The following GNAT2 variants were observed in gnomAD, a reference collection of about 807,000 sequenced individuals.
The protein encoded by GNAT2 is guanine nucleotide-binding protein G(t) subunit alpha-2.
GNAT2 carries 32 observed loss-of-function variants against 40.9 expected under a neutral mutation model. The ratio of observed to expected loss-of-function variants is 0.78; its 90% confidence interval spans 0.59 to 1.05. The LOEUF (loss-of-function observed/expected upper bound fraction) is 1.05, where lower values mean the gene tolerates loss of function less well. Ranked by LOEUF, GNAT2 falls within the 50% of genes least tolerant of loss-of-function variation. The probability of loss-of-function intolerance (pLI) is 0.00; values close to 1 mark genes in which losing one functional copy is unlikely to be tolerated. For missense variants in GNAT2, 355 were observed against 431.5 expected (o/e 0.82, Z 1.57); for synonymous variants, 141 against 157.2 (o/e 0.90, Z 0.77).
At chr1:109,606,189 G>A in intron 6 of GNAT2, 90 bp from the exon 7 acceptor site, 1 of 1,572,742 alleles carries the variant, frequency 6.4e-7, no homozygotes, top group South Asian at 1.1e-5. Flanking sequence ...GAGAGGAAAA[G>A]GGGGAGAAGC....
chr1:109,606,672 C>T, intron 5 of GNAT2: 1 of 487,674 alleles, frequency 2.1e-6, no homozygotes, highest in South Asian at 2.1e-5. Context: ...GCATTTAAAT[C>T]AAGTTAGATA....
At chr1:109,609,614 A>G (rs756384503) in intron 4 of GNAT2, 18 of 303,992 alleles carry the variant, frequency 5.9e-5, no homozygotes, top group Admixed American at 3.7e-4. Flanking sequence ...CCTGGGTAAG[A>G]GAGGAAGACC....
chr1:109,617,547 G>A (rs1649985597), intron 1 of GNAT2: 1 of 152,260 alleles, frequency 6.6e-6, no homozygotes. Context: ...GATTCTTGCT[G>A]GTATGGAGTG....
At chr1:109,612,636 G>A in intron 2 of GNAT2, 117 bp downstream of exon 2, 1 of 762,190 alleles carries the variant, frequency 1.3e-6, no homozygotes, top group East Asian at 2.5e-5. Flanking sequence ...CTGTGTAGAG[G>A]AGAGGAAAAA....
chr1:109,604,281 CTATCTTTCT>C (rs1331400258), intron 7 of GNAT2, 177 bp from the exon 8 acceptor site: 7 of 625,992 alleles, frequency 1.1e-5, no homozygotes, highest in Admixed American at 2.6e-5. Context: ...TTCTAGTTCC[CTATCTTTCT>C]AATAGCTGTG....
chr1:109,611,138 G>A (rs558516499), intron 2 of GNAT2: 3 of 158,176 alleles, frequency 1.9e-5, no homozygotes, highest in African/African-American at 7.3e-5. Context: ...AGTCTCCTGA[G>A]TAGTTGGGAT....
chr1:109,605,749 C>A (rs1649572231), intron 7 of GNAT2: 3 of 508,270 alleles, frequency 5.9e-6, no homozygotes, highest in South Asian at 3.9e-5. Context: ...TAATTTGAGA[C>A]CAAGCTCACT....
intron 1 of GNAT2, chr1:109,618,140 A>G (rs1235919310): frequency 1.3e-5 from 2 of 152,260 alleles, no homozygotes; most frequent in East Asian, 3.8e-4. Flanking sequence ...AATATAAAGA[A>G]AATAAATATA....
chr1:109,603,605 C>A, intron 8 of GNAT2, 61 bp from the exon 9 acceptor site: 15 of 1,086,304 alleles, frequency 1.4e-5, no homozygotes, highest in Non-Finnish European at 2.0e-5. Context: ...GTTGCTGACT[C>A]ACTTTAGGTG....
intron 1 of GNAT2, chr1:109,616,174 T>A (rs1649947271): frequency 6.6e-6 from 1 of 152,278 alleles, no homozygotes; most frequent in Admixed American, 6.5e-5. Context: ...TCCTGTGCCT[T>A]TCCTGTGGCT....
intron 2 of GNAT2, chr1:109,611,045 T>C (rs948644734): frequency 2.2e-5 from 4 of 184,872 alleles, no homozygotes; most frequent in African/African-American, 9.6e-5. Context: ...GGTCTCAGGT[T>C]TGTAGCCCAG....
intron 4 of GNAT2, 42 bp downstream of exon 4, chr1:109,609,998 C>G: frequency 6.2e-7 from 1 of 1,603,132 alleles, no homozygotes; most frequent in African/African-American, 1.3e-5. Flanking sequence ...TCTTGCTAGC[C>G]TTTCTGCTTC....
intron 5 of GNAT2, 190 bp from the exon 6 acceptor site, chr1:109,606,626 C>CTGAG (rs1649606138): frequency 1.7e-6 from 1 of 579,268 alleles, no homozygotes; most frequent in African/African-American, 1.9e-5. Context: ...GGGGGATGGA[C>CTGAG]TGAGGGACAA....
chr1:109,606,567 T>G (rs1649604811), intron 5 of GNAT2, 131 bp from the exon 6 acceptor site: 1 of 760,122 alleles, frequency 1.3e-6, no homozygotes, highest in African/African-American at 1.7e-5. Context: ...TATTGTTAAA[T>G]TTAGGATTCT....
At chr1:109,618,604 C>A (rs944588125) in intron 1 of GNAT2, among the ~76,000 whole-genome samples, 1 of 152,224 alleles carries the variant, frequency 6.6e-6, no homozygotes, top group Non-Finnish European at 1.5e-5. Context: ...TGTTTGTGCA[C>A]ATGTACGTGT....
intron 5 of GNAT2, 172 bp from the exon 6 acceptor site, chr1:109,606,608 G>C (rs1557919009): frequency 1.6e-6 from 1 of 617,892 alleles, no homozygotes; most frequent in Non-Finnish European, 2.9e-6. Flanking sequence ...TCATTAACTA[G>C]AGGAAATGGG....
chr1:109,618,104 G>C (rs1650003226), intron 1 of GNAT2: 1 of 152,136 alleles, frequency 6.6e-6, no homozygotes, highest in South Asian at 2.1e-4. Context: ...TTATGGGTAT[G>C]TATTATAATT....
chr1:109,608,686 C>T lies in GNAT2; in HGVS notation c.406G>A (p.Val136Met), dbSNP rs973809932. 3.7e-6 allele frequency: 6 copies of T among 1,613,876 alleles called. No homozygotes were observed. The highest frequency in any genetic ancestry group is 2.7e-5 in the African/African-American group (2 of 74,916). ...GCAGCTCTCTCGAAGCAGGCTTGCACCCCACCATCCTTCCACAACCTCCTA... is the reference window on the plus strand; with the variant it reads ...GCAGCTCTCTCGAAGCAGGCTTGCATCCCACCATCCTTCCACAACCTCCTA... The part of the protein sequence containing the change: ...VIRRLWKDGG[V>M]QACFERAAEY... The change falls in exon 5 of 9, where the codon GTG becomes ATG. Residue 136 changes from valine to methionine, a missense_variant. Physicochemically the swap from Val to Met is conservative, Grantham distance 21. Coordinates refer to ENST00000679935, the MANE Select transcript of GNAT2 (RefSeq NM_001377295.2).
intron 1 of GNAT2, among the ~76,000 whole-genome samples, chr1:109,618,566 A>G (rs917084446): frequency 7.2e-5 from 11 of 152,250 alleles, no homozygotes; most frequent in Admixed American, 7.2e-4. Flanking sequence ...CAGAAAGATT[A>G]TATCAGTGTT....
Sources: gnomAD v4.1 joint callset for allele counts (sites outside exome capture counted in the v4.1 genomes callset) on GRCh38, gnomAD v4.1.1 for gene constraint, MANE v1.5 for transcripts, NCBI Gene and HGNC (gene_info 2026-07-23, HGNC 2026-07-21) for gene names.